TESK2: variants seen among roughly 807,000 people sequenced by gnomAD.
TESK2 encodes testis associated actin remodelling kinase 2, also known as dual specificity testis-specific protein kinase 2.
In TESK2, 39 loss-of-function variants were observed where a neutral mutation model predicts 57.1. That is an observed-to-expected ratio of 0.68 (90% CI 0.53 to 0.89). The LOEUF (loss-of-function observed/expected upper bound fraction) is 0.89. Among genes scored for constraint, TESK2 ranks in the 40% least tolerant of loss-of-function variants. TESK2 has a pLI of 0.00. For synonymous variants in TESK2, 249 were observed against 267.9 expected, an observed-to-expected ratio of 0.93 and a Z score of 0.69; for missense variants, 646 against 732.1, an observed-to-expected ratio of 0.88 and a Z score of 1.36.
chr1:45,477,027 C>T (rs1165271341), intron 1 of TESK2, among the ~76,000 whole-genome samples: 1 of 135,806 alleles, frequency 7.4e-6, no homozygotes, highest in Non-Finnish European at 1.5e-5. Flanking sequence ...GTCTTGAATT[C>T]CTGGCCAACG....
chr1:45,469,426 T>C lies in TESK2; in HGVS notation c.-86-11555A>G, dbSNP rs529845345. Reference sequence around the variant, plus strand: ...TCTGCAAAGCATGTATTATCATCTCTAATTTAAAGAAAAAGAAATCAAAAT... The same window carrying C: ...TCTGCAAAGCATGTATTATCATCTCCAATTTAAAGAAAAAGAAATCAAAAT... On this transcript the variant is annotated intron_variant, in intron 1 of 10. Coordinates refer to ENST00000372086, the MANE Select transcript of TESK2 (RefSeq NM_007170.3). Among the ~76,000 whole-genome samples the C allele has an allele frequency of 4.6e-5, 7 of 152,352 alleles. No homozygotes were observed. In the South Asian group the frequency reaches 1.4e-3, roughly 32 times the overall value.
intron 3 of TESK2, among the ~76,000 whole-genome samples, chr1:45,386,970 C>T (rs1648927697): frequency 2.0e-5 from 3 of 152,078 alleles, no homozygotes; most frequent in South Asian, 4.1e-4. Context: ...AGTTTTTTAT[C>T]CTTCATCCCC....
At chr1:45,415,489 C>G in intron 3 of TESK2, 1 of 549,318 alleles carries the variant, frequency 1.8e-6, no homozygotes, top group South Asian at 2.0e-5. Flanking sequence ...TTTCCTTGTT[C>G]CCTTCCATGC....
chr1:45,467,414 G>C (rs551598488), intron 1 of TESK2, among the ~76,000 whole-genome samples: 18 of 151,760 alleles, frequency 1.2e-4, no homozygotes, highest in African/African-American at 4.1e-4. Flanking sequence ...GTGCGATCAT[G>C]GCTCACCACA....
At chr1:45,427,729 C>T (rs1322349717) in intron 2 of TESK2, among the ~76,000 whole-genome samples, 1 of 151,878 alleles carries the variant, frequency 6.6e-6, no homozygotes, top group Non-Finnish European at 1.5e-5. Context: ...CTCATAGAGA[C>T]AGAGTAGAAT....
chr1:45,349,684 T>C (rs999464960), intron 5 of TESK2, among the ~76,000 whole-genome samples: 1 of 152,248 alleles, frequency 6.6e-6, no homozygotes, highest in African/African-American at 2.4e-5. Context: ...ACACCTATTA[T>C]ATCACACTGC....
chr1:45,390,049 C>A (rs1379863117), intron 3 of TESK2, among the ~76,000 whole-genome samples: 2 of 152,144 alleles, frequency 1.3e-5, no homozygotes, highest in Non-Finnish European at 2.9e-5. Context: ...CACATTTTCC[C>A]ATGAGCCTTA....
chr1:45,365,811 G>A (rs2149268397), intron 4 of TESK2, among the ~76,000 whole-genome samples: 1 of 151,918 alleles, frequency 6.6e-6, no homozygotes, highest in African/African-American at 2.4e-5. Flanking sequence ...GAGTAGCTGG[G>A]ATTACAGGCG....
At chr1:45,381,942 C>T (rs1648672307) in intron 4 of TESK2, among the ~76,000 whole-genome samples, 2 of 146,614 alleles carry the variant, frequency 1.4e-5, no homozygotes. Flanking sequence ...TGGCTCATTG[C>T]ATTCTCAACC....
intron 2 of TESK2, among the ~76,000 whole-genome samples, chr1:45,443,122 G>A (rs1251133728): frequency 7.1e-6 from 1 of 141,130 alleles, no homozygotes; most frequent in Non-Finnish European, 1.6e-5. Context: ...CTTAAAAGAG[G>A]AGATTTTCTG....
At position 45,347,002 on chromosome 1, in the gene TESK2, G is replaced by C; in HGVS notation, c.769C>G (p.Pro257Ala). Residue 257 changes from proline (P) to alanine (A), a missense_variant, in exon 8 of 11, where the codon CCG (proline) becomes GCG (alanine). Coordinates refer to ENST00000372086, the MANE Select transcript of TESK2 (RefSeq NM_007170.3). Reference protein sequence around the residue: ...CEIIARIQADPDYLPRTENFG... With the variant: ...CEIIARIQADADYLPRTENFG... ...ACCTCTGTGCGGGGAAGATAGTCCG[G>C]ATCGGCCTGGATGCGGGCGATGATC... The C allele has an allele frequency of 1.2e-6, 2 of 1,614,202 alleles. No homozygotes were observed. The highest frequency in any genetic ancestry group is 1.7e-6 in the Non-Finnish European group (2 of 1,180,032).
chr1:45,348,580 A>G (rs1041408762), intron 5 of TESK2, among the ~76,000 whole-genome samples: 2 of 152,208 alleles, frequency 1.3e-5, no homozygotes, highest in Admixed American at 6.5e-5. Flanking sequence ...CTATGCACAT[A>G]TCCTCATCCA....
chr1:45,387,432 A>G (rs1240757628), intron 3 of TESK2, among the ~76,000 whole-genome samples: 2 of 152,132 alleles, frequency 1.3e-5, no homozygotes, highest in Non-Finnish European at 2.9e-5. Flanking sequence ...TAAACGTCTT[A>G]AAGCCATTAA....
chr1:45,394,034 TAACTC>T (rs1270481631), intron 3 of TESK2, among the ~76,000 whole-genome samples: 1 of 152,186 alleles, frequency 6.6e-6, no homozygotes, highest in African/African-American at 2.4e-5. Flanking sequence ...TAGAATTACT[TAACTC>T]AGGAAGGGGG....
intron 5 of TESK2, among the ~76,000 whole-genome samples, chr1:45,352,845 T>C (rs1278663982): frequency 1.3e-5 from 2 of 152,154 alleles, no homozygotes; most frequent in African/African-American, 4.8e-5. Context: ...AGATTTGATA[T>C]CTGAGTTGAT....
intron 9 of TESK2, 40 bp from the exon 10 acceptor site, chr1:45,346,034 C>G: frequency 6.9e-7 from 1 of 1,452,074 alleles, no homozygotes. Context: ...TGCCCTCCAT[C>G]TCCCACCCCA....
intron 4 of TESK2, among the ~76,000 whole-genome samples, chr1:45,363,088 G>C (rs1044124370): frequency 6.6e-6 from 1 of 152,200 alleles, no homozygotes; most frequent in African/African-American, 2.4e-5. Context: ...GAATCAGCAA[G>C]ATTTGGTGTT....
intron 2 of TESK2, among the ~76,000 whole-genome samples, chr1:45,423,847 A>G (rs910282071): frequency 1.3e-5 from 2 of 152,154 alleles, no homozygotes; most frequent in African/African-American, 4.8e-5. Context: ...GGTTTCATAA[A>G]CCATAACACT....
chr1:45,490,049 G>T (rs1653654723), intron 1 of TESK2, among the ~76,000 whole-genome samples: 1 of 152,074 alleles, frequency 6.6e-6, no homozygotes, highest in Admixed American at 6.6e-5. Context: ...CTCCCGCCTG[G>T]ATGAGCACAC....
Sources: gnomAD v4.1 joint callset for allele counts (sites outside exome capture counted in the v4.1 genomes callset) on GRCh38, gnomAD v4.1.1 for gene constraint, MANE v1.5 for transcripts, NCBI Gene and HGNC (gene_info 2026-07-23, HGNC 2026-07-21) for gene names.